Variants in NGLY1 observed in about 807,000 individuals in gnomAD.
NGLY1 encodes N-glycanase 1, also known as peptide-N(4)-(N-acetyl-beta-glucosaminyl)asparagine amidase.
In NGLY1, 68 loss-of-function variants were observed where a neutral mutation model predicts 84.6. That is an observed-to-expected ratio of 0.80 (90% CI 0.66 to 0.98). The LOEUF (loss-of-function observed/expected upper bound fraction) is 0.98. Among genes scored for constraint, NGLY1 ranks in the 50% least tolerant of loss-of-function variants. NGLY1 has a pLI of 0.00. For missense variants in NGLY1, 779 were observed against 770.2 expected, an observed-to-expected ratio of 1.01 and a Z score of -0.14; for synonymous variants, 280 against 275.2, an observed-to-expected ratio of 1.02 and a Z score of -0.17.
chr3:25,732,313 A>G lies in NGLY1; in HGVS notation c.1425+6T>C. On this transcript the variant is annotated splice_donor_region_variant and intron_variant, in intron 9 of 11. Transcript: ENST00000280700. ...AAGGATCATCATGCTAGAATGAATTAAATACCTGTAGACCCATTTCACCTC... is the reference window on the plus strand; with the variant it reads ...AAGGATCATCATGCTAGAATGAATTGAATACCTGTAGACCCATTTCACCTC... 1 of 1,612,048 alleles carries G rather than the reference A, an allele frequency of 6.2e-7. No homozygotes were observed. Among genetic ancestry groups the G allele is most frequent in the Non-Finnish European group, 8.5e-7 (1 of 1,178,906 alleles).
intron 6 of NGLY1, chr3:25,736,706 CTT>C (rs1285536714): frequency 4.3e-6 from 1 of 234,904 alleles, no homozygotes; most frequent in African/African-American, 2.3e-5. Flanking sequence ...TATCACATGA[CTT>C]TTATTATTTC....
intron 11 of NGLY1, 131 bp from the exon 12 acceptor site, chr3:25,719,766 C>T (rs183967429): frequency 1.3e-6 from 1 of 756,574 alleles, no homozygotes; most frequent in Middle Eastern, 3.2e-4. Flanking sequence ...ACAAATTATT[C>T]TTTATGGAAG....
intron 4 of NGLY1, among the ~76,000 whole-genome samples, chr3:25,746,759 T>A (rs1027382012): frequency 3.9e-5 from 6 of 152,244 alleles, no homozygotes; most frequent in Admixed American, 3.3e-4. Flanking sequence ...GGAAATATGA[T>A]GGACACAAAC....
chr3:25,769,519 C>T (rs1441254793), intron 2 of NGLY1, among the ~76,000 whole-genome samples: 1 of 151,998 alleles, frequency 6.6e-6, no homozygotes, highest in Non-Finnish European at 1.5e-5. Context: ...TATCTTACTC[C>T]AGTTAAAATA....
rs1706722998 is a variant in NGLY1 at position 25,751,109 on chromosome 3, T to A, written c.647A>T (p.Lys216Ile). The A allele has an allele frequency of 6.2e-7, 1 of 1,611,132 alleles. No homozygotes were observed. The highest frequency in any genetic ancestry group is 8.5e-7 in the Non-Finnish European group (1 of 1,179,210). Residue 216 changes from lysine (K) to isoleucine (I), a missense_variant, in exon 4 of 12, where the codon AAA becomes ATA. Lys to Ile is a moderately radical substitution (Grantham distance 102, BLOSUM62 -3). Coordinates refer to ENST00000280700, the MANE Select transcript of NGLY1 (RefSeq NM_018297.4). ...TGTAAAGCTACTACCTTTATCCAAT[T>A]TTCTAGCTCTCGATAACTTTTCTTG... Reference protein sequence around the residue: ...KSQEKLSRARKLDKGINISDE... With the variant: ...KSQEKLSRARILDKGINISDE...
chr3:25,727,763 TTC>T (rs1705332282), intron 10 of NGLY1, among the ~76,000 whole-genome samples: 1 of 152,198 alleles, frequency 6.6e-6, no homozygotes, highest in Non-Finnish European at 1.5e-5. Context: ...CATACAGTAG[TTC>T]TGTTTCTTGG....
At chr3:25,757,517 G>C (rs1023891309) in intron 3 of NGLY1, among the ~76,000 whole-genome samples, 1 of 152,092 alleles carries the variant, frequency 6.6e-6, no homozygotes, top group African/African-American at 2.4e-5. Context: ...TTGTTCCAAG[G>C]CTATTAATAA....
intron 5 of NGLY1, among the ~76,000 whole-genome samples, chr3:25,738,921 A>G (rs571026430): frequency 4.9e-4 from 75 of 152,202 alleles, no homozygotes; most frequent in Non-Finnish European, 9.6e-4. Flanking sequence ...CTTATAAATT[A>G]AAGAATGGAA....
At chr3:25,737,779 C>T (rs1018185888) in intron 5 of NGLY1, among the ~76,000 whole-genome samples, 3 of 151,932 alleles carry the variant, frequency 2.0e-5, no homozygotes, top group East Asian at 1.9e-4. Context: ...CTCCTGACCT[C>T]GTGATTCGCC....
At chr3:25,769,686 C>T (rs562605060) in intron 2 of NGLY1, among the ~76,000 whole-genome samples, 16 of 152,190 alleles carry the variant, frequency 1.1e-4, no homozygotes, top group Admixed American at 9.8e-4. Flanking sequence ...TCCAGTAATC[C>T]TACTGCTAGG....
At chr3:25,787,230 G>A (rs996344368), upstream of NGLY1, among the ~76,000 whole-genome samples, 1 of 152,126 alleles carries the variant, frequency 6.6e-6, no homozygotes, top group African/African-American at 2.4e-5. Flanking sequence ...TAAATTGAGA[G>A]GTTGAGAAGG....
chr3:25,736,089 C>T lies in NGLY1; in HGVS notation c.1064G>A (p.Cys355Tyr), dbSNP rs773072861. The T allele has an allele frequency of 1.9e-6, 3 of 1,613,924 alleles. No individual in the cohort carries two copies. The South Asian group carries it at 3.3e-5, about 18-fold the overall frequency. Residue 355 changes from cysteine to tyrosine, a missense_variant, in exon 7 of 12, where the codon TGT (cysteine) becomes TAT (tyrosine). Transcript: ENST00000280700. ...GAGTGGCTTGTCACAGACATCTTCA[C>T]ATGCATCACAGTGCAGCCACCGCTG... Reference protein sequence around the residue: ...SQQRWLHCDACEDVCDKPLLY... With the variant: ...SQQRWLHCDAYEDVCDKPLLY...
At chr3:25,775,955 T>C (rs1200576033) in intron 2 of NGLY1, among the ~76,000 whole-genome samples, 2 of 152,270 alleles carry the variant, frequency 1.3e-5, no homozygotes, top group East Asian at 3.8e-4. Context: ...AAATATCACC[T>C]GTACCCCATA....
chr3:25,776,290 C>T (rs1708151507), intron 2 of NGLY1, among the ~76,000 whole-genome samples: 1 of 152,146 alleles, frequency 6.6e-6, no homozygotes, highest in Non-Finnish European at 1.5e-5. Context: ...GCTGGCTACC[C>T]TACTTGGCAC....
intron 4 of NGLY1, among the ~76,000 whole-genome samples, chr3:25,748,388 C>T (rs150103632): frequency 1.3e-5 from 2 of 152,184 alleles, no homozygotes; most frequent in Non-Finnish European, 2.9e-5. Context: ...ACGACAAGAA[C>T]ACTGGAGGAA....
rs778642538 is a variant in NGLY1, at chr3:25,778,688, T to C, written c.132A>G (p.Arg44=). The C allele has an allele frequency of 6.3e-7, 1 of 1,578,184 alleles. No individual in the cohort carries two copies. Among genetic ancestry groups the C allele is most frequent in the East Asian group, 2.3e-5 (1 of 44,408 alleles). ...ATCTATATTTTTCATCATTAGGGTT[T>C]CTGACAAAAAACAAAAGTTTGATTA... is the stretch of plus-strand genomic sequence containing the variant. The part of the protein sequence containing the change: ...LLLTYADNIL[R]NPNDEKYRSI... The change falls in exon 2 of 12, where the codon AGA becomes AGG. Residue 44 remains arginine (R), a splice_region_variant and synonymous_variant. Transcript: ENST00000280700.
At chr3:25,742,640 G>A (rs1325980641) in intron 4 of NGLY1, among the ~76,000 whole-genome samples, 2 of 151,996 alleles carry the variant, frequency 1.3e-5, no homozygotes, top group Admixed American at 1.3e-4. Flanking sequence ...AGAAACAGAG[G>A]ACTGTCATTC....
intron 10 of NGLY1, among the ~76,000 whole-genome samples, chr3:25,728,913 CT>C (rs1403076739): frequency 6.6e-6 from 1 of 151,930 alleles, no homozygotes; most frequent in East Asian, 1.9e-4. Context: ...TAAATTCATC[CT>C]CTTTGATGAA....
chr3:25,760,104 CTTTTCTA>C (rs1469299450), intron 3 of NGLY1, among the ~76,000 whole-genome samples: 1 of 151,846 alleles, frequency 6.6e-6, no homozygotes, highest in Non-Finnish European at 1.5e-5. Context: ...TAAAGAAAAA[CTTTTCTA>C]TTTATAAAGG....
Sources: gnomAD v4.1 joint callset for allele counts (sites outside exome capture counted in the v4.1 genomes callset) on GRCh38, gnomAD v4.1.1 for gene constraint, MANE v1.5 for transcripts, NCBI Gene and HGNC (gene_info 2026-07-23, HGNC 2026-07-21) for gene names.